The following PLPPR5 variants were observed in gnomAD, a reference collection of about 807,000 sequenced individuals.
The protein encoded by PLPPR5 is phospholipid phosphatase-related protein type 5.
PLPPR5 carries 16 observed loss-of-function variants against 33.9 expected under a neutral mutation model. The observed-to-expected ratio is 0.47, with a 90% CI of 0.32 to 0.72. The LOEUF (loss-of-function observed/expected upper bound fraction) is 0.72, where lower values mean the gene tolerates loss of function less well. PLPPR5 is among the 30% of genes least tolerant of loss of function. PLPPR5 has a pLI of 0.03. For missense variants in PLPPR5, 301 were observed against 406.7 expected (o/e 0.74, Z 2.23); for synonymous variants, 163 against 150.3 (o/e 1.08, Z -0.62).
At chr1:98,914,441 C>T (rs929686498) in intron 5 of PLPPR5, among the ~76,000 whole-genome samples, 7 of 152,032 alleles carry the variant, frequency 4.6e-5, no homozygotes, top group South Asian at 2.1e-4. Flanking sequence ...CATGCCACCA[C>T]GTCCAGCTAA....
At chr1:98,901,079 C>T (rs183000036) in intron 5 of PLPPR5, among the ~76,000 whole-genome samples, 1 of 151,902 alleles carries the variant, frequency 6.6e-6, no homozygotes, top group Non-Finnish European at 1.5e-5. Context: ...TGGAAATAAC[C>T]CAACCTTCAA....
At chr1:98,906,462 G>A (rs1648906703) in intron 5 of PLPPR5, among the ~76,000 whole-genome samples, 1 of 152,088 alleles carries the variant, frequency 6.6e-6, no homozygotes, top group Admixed American at 6.6e-5. Context: ...AGCCCAGGCT[G>A]AGGCAGCAGT....
intron 1 of PLPPR5, among the ~76,000 whole-genome samples, chr1:98,998,690 G>A (rs1335854016): frequency 6.6e-6 from 1 of 152,130 alleles, no homozygotes; most frequent in Non-Finnish European, 1.5e-5. Flanking sequence ...TGGTGATTCT[G>A]CCATTGCCAT....
At chr1:98,966,505 A>G (rs1214178119) in intron 1 of PLPPR5, among the ~76,000 whole-genome samples, 2 of 152,206 alleles carry the variant, frequency 1.3e-5, no homozygotes, top group Non-Finnish European at 2.9e-5. Flanking sequence ...ATCCAGTTAC[A>G]GAAGAAGAAA....
At position 98,964,943 on chromosome 1, in the gene PLPPR5, G is replaced by A. The variant is rs1290215496; in HGVS notation, c.238-8202C>T. Among the ~76,000 whole-genome samples, 3 of 151,658 alleles carry A rather than the reference G, an allele frequency of 2.0e-5. No homozygotes were observed. The East Asian group carries it at 5.8e-4, about 29-fold the overall frequency. On this transcript the variant is annotated intron_variant, in intron 1 of 5. Transcript: ENST00000263177. The stretch of plus-strand genomic sequence containing the variant: ...GCCTCCTGAGTAGATGAGACTACAG[G>A]CATGTGCAACCATGCCCAGTTAATT...
chr1:98,924,670 T>G (rs1649687021), intron 3 of PLPPR5, among the ~76,000 whole-genome samples: 1 of 152,182 alleles, frequency 6.6e-6, no homozygotes, highest in African/African-American at 2.4e-5. Flanking sequence ...CCAAGTTGTA[T>G]GAGACCATAG....
intron 5 of PLPPR5, among the ~76,000 whole-genome samples, chr1:98,903,809 A>G (rs965417692): frequency 2.6e-5 from 4 of 152,030 alleles, no homozygotes; most frequent in African/African-American, 9.7e-5. Flanking sequence ...GATTTGTCTA[A>G]CTCCACTTCA....
rs1352689049 is a variant in PLPPR5 at position 98,891,789 on chromosome 1, A to AT, written c.*1282dup. On this transcript the variant is annotated 3_prime_UTR_variant, in exon 6 of 6. Transcript: ENST00000263177. ...CATATTTGTATTCTGGCATTTCTTTATTTTTTGAACCATAGGTAGTTGCCC... is the reference window on the plus strand; with the variant it reads ...CATATTTGTATTCTGGCATTTCTTTATTTTTTTGAACCATAGGTAGTTGCCC... 6.6e-6 allele frequency: 1 copy of AT among 152,066 alleles called. No individual in the cohort carries two copies. Among genetic ancestry groups the AT allele is most frequent in the East Asian group, 1.9e-4 (1 of 5,190 alleles). 9.4% of individuals were successfully genotyped at this position (152,066 alleles called of 1,614,324 possible).
chr1:99,001,307 TG>T (rs1376899017), intron 1 of PLPPR5, among the ~76,000 whole-genome samples: 1 of 151,906 alleles, frequency 6.6e-6, no homozygotes, highest in African/African-American at 2.4e-5. Context: ...GCTAATTTTT[TG>T]TACTTTTTAG....
intron 3 of PLPPR5, among the ~76,000 whole-genome samples, chr1:98,950,281 A>C (rs1320591586): frequency 6.6e-6 from 1 of 152,214 alleles, no homozygotes; most frequent in Non-Finnish European, 1.5e-5. Flanking sequence ...TTATTAAATA[A>C]ATAATAATGA....
At chr1:98,964,729 C>T (rs1270114790) in intron 1 of PLPPR5, among the ~76,000 whole-genome samples, 3 of 152,126 alleles carry the variant, frequency 2.0e-5, no homozygotes, top group African/African-American at 7.2e-5. Context: ...TGTTCATAGT[C>T]CTTATCAATC....
intron 1 of PLPPR5, among the ~76,000 whole-genome samples, chr1:98,979,968 C>G (rs1453115947): frequency 6.6e-6 from 1 of 152,034 alleles, no homozygotes; most frequent in East Asian, 1.9e-4. Context: ...TCTATTAGAG[C>G]TATCTTTCTG....
chr1:98,949,007 T>C (rs888182888), intron 3 of PLPPR5, among the ~76,000 whole-genome samples: 4 of 152,216 alleles, frequency 2.6e-5, no homozygotes, highest in African/African-American at 9.6e-5. Flanking sequence ...GGTCATTTCA[T>C]GTCTGTCTGT....
chr1:98,928,063 A>C (rs1391569012), intron 3 of PLPPR5, among the ~76,000 whole-genome samples: 4 of 152,098 alleles, frequency 2.6e-5, no homozygotes, highest in African/African-American at 9.7e-5. Flanking sequence ...GAAGCTAAAC[A>C]CTTCTTTTTC....
chr1:98,926,388 C>T (rs1440007118), intron 3 of PLPPR5, among the ~76,000 whole-genome samples: 1 of 150,102 alleles, frequency 6.7e-6, no homozygotes, highest in African/African-American at 2.5e-5. Context: ...ATCTTTAAAC[C>T]GATTTCCAGA....
chr1:98,936,757 T>C (rs914057475), intron 3 of PLPPR5, among the ~76,000 whole-genome samples: 4 of 152,250 alleles, frequency 2.6e-5, no homozygotes, highest in African/African-American at 9.6e-5. Context: ...ATCGATCCTA[T>C]GCTTTGTGTA....
chr1:98,892,038 G>A lies in PLPPR5; in HGVS notation c.*1034C>T, dbSNP rs917385584. ...TCATGTTTATACCAGGTTATTATGA[G>A]GATTACATAAAATAATTGGTGTAAA... On this transcript the variant is annotated 3_prime_UTR_variant, in exon 6 of 6. Coordinates refer to ENST00000263177, the MANE Select transcript of PLPPR5 (RefSeq NM_001037317.2). 3 of 151,960 alleles carry A rather than the reference G, an allele frequency of 2.0e-5. No individual in the cohort carries two copies. The highest frequency in any genetic ancestry group is 2.1e-4 in the South Asian group (1 of 4,832). The allele number at this position is 151,960 out of a possible 1,614,324, so 9.4% of individuals were successfully genotyped here. A position where few individuals can be genotyped will look rare whatever the true frequency, so the allele number is the denominator to read the frequency against.
At chr1:98,943,844 A>G (rs545460378) in intron 3 of PLPPR5, among the ~76,000 whole-genome samples, 5 of 152,254 alleles carry the variant, frequency 3.3e-5, no homozygotes, top group African/African-American at 1.2e-4. Flanking sequence ...ACCAACTAAT[A>G]TTGGCCATTG....
chr1:98,997,745 G>A (rs1652681147), intron 1 of PLPPR5, among the ~76,000 whole-genome samples: 1 of 152,200 alleles, frequency 6.6e-6, no homozygotes, highest in African/African-American at 2.4e-5. Context: ...CATCTCCAAT[G>A]ACCAGGTAGC....
Sources: gnomAD v4.1 joint callset for allele counts (sites outside exome capture counted in the v4.1 genomes callset) on GRCh38, gnomAD v4.1.1 for gene constraint, MANE v1.5 for transcripts, NCBI Gene and HGNC (gene_info 2026-07-23, HGNC 2026-07-21) for gene names.